The following MOB1B variants were observed in gnomAD, a reference collection of about 807,000 sequenced individuals.
The protein encoded by MOB1B is MOB kinase activator 1B.
A neutral mutation model predicts 24.4 loss-of-function variants in MOB1B; 19 were observed. The observed-to-expected ratio is 0.78, with a 90% confidence interval of 0.54 to 1.14. The LOEUF is 1.14. Ranked by LOEUF, MOB1B falls within the 50% of genes most tolerant of loss-of-function variation. MOB1B has a pLI of 0.00. For synonymous variants in MOB1B, 76 were observed against 82.1 expected (o/e 0.93, Z 0.40); for missense variants, 243 against 259.6 (o/e 0.94, Z 0.44).
rs1487286643 is a variant in MOB1B, at chr4:70,985,187, C to A, written c.*3130C>A. The stretch of plus-strand genomic sequence containing the variant: ...TGCTTATGGGAAAATAGCAAAACAA[C>A]ATTTCATTTATACTTTTGTTTACCC... On this transcript the variant is annotated 3_prime_UTR_variant, in exon 6 of 6. Coordinates refer to ENST00000309395, the MANE Select transcript of MOB1B (RefSeq NM_173468.4). 1.3e-5 allele frequency: 2 copies of A among 152,238 alleles called. No individual in the cohort carries two copies. The highest frequency in any genetic ancestry group is 2.9e-5 in the Non-Finnish European group (2 of 67,998). The allele number at this position is 152,238 out of a possible 1,614,324, so 9.4% of individuals were successfully genotyped here.
At chr4:70,929,165 T>G (rs1736774649) in intron 1 of MOB1B, among the ~76,000 whole-genome samples, 1 of 146,886 alleles carries the variant, frequency 6.8e-6, no homozygotes, top group Non-Finnish European at 1.5e-5. Context: ...CTTTTCTTCT[T>G]TTTCTTTTCT....
intron 1 of MOB1B, among the ~76,000 whole-genome samples, chr4:70,915,075 A>G (rs181955774): frequency 6.6e-6 from 1 of 152,332 alleles, no homozygotes; most frequent in East Asian, 1.9e-4. Context: ...TACTTCGGTT[A>G]TTATCATTAT....
At chr4:70,941,861 A>G (rs1368749547) in intron 1 of MOB1B, among the ~76,000 whole-genome samples, 1 of 152,218 alleles carries the variant, frequency 6.6e-6, no homozygotes, top group Non-Finnish European at 1.5e-5. Flanking sequence ...GGACCGAGAT[A>G]CTTCAATATC....
chr4:70,950,490 G>T (rs1426401290), intron 1 of MOB1B, among the ~76,000 whole-genome samples: 1 of 150,372 alleles, frequency 6.7e-6, no homozygotes, highest in Non-Finnish European at 1.5e-5. Context: ...TTAAATTTTG[G>T]CTCCTTAATT....
At chr4:70,934,375 T>C (rs1428115120) in intron 1 of MOB1B, among the ~76,000 whole-genome samples, 3 of 151,574 alleles carry the variant, frequency 2.0e-5, no homozygotes. Flanking sequence ...CATGAGCCAC[T>C]GTGCCCGGCC....
chr4:70,980,514 T>A (rs1739168785), intron 5 of MOB1B, among the ~76,000 whole-genome samples: 1 of 152,160 alleles, frequency 6.6e-6, no homozygotes, highest in Non-Finnish European at 1.5e-5. Flanking sequence ...ACTGTGAGCT[T>A]CTTAAAGGTA....
At chr4:70,920,706 C>T (rs1169638803) in intron 1 of MOB1B, among the ~76,000 whole-genome samples, 4 of 152,180 alleles carry the variant, frequency 2.6e-5, no homozygotes, top group African/African-American at 9.7e-5. Flanking sequence ...AGTGACCCTG[C>T]TTGACTGTAT....
chr4:70,949,893 G>C (rs1448928519), intron 1 of MOB1B, among the ~76,000 whole-genome samples: 2 of 151,960 alleles, frequency 1.3e-5, no homozygotes, highest in Non-Finnish European at 2.9e-5. Flanking sequence ...CTAGGGGACA[G>C]AGTGAACCCT....
intron 1 of MOB1B, among the ~76,000 whole-genome samples, chr4:70,926,598 C>A (rs1227159442): frequency 6.6e-6 from 1 of 152,148 alleles, no homozygotes; most frequent in East Asian, 1.9e-4. Context: ...AGCTGTCTTA[C>A]AAATGTATGG....
At position 70,983,736 on chromosome 4, in the gene MOB1B, T is replaced by G. The variant is rs781739070; in HGVS notation, c.*1679T>G. 1 of 152,598 alleles carries G rather than the reference T, an allele frequency of 6.6e-6. No homozygotes were observed. The allele number at this position is 152,598 out of a possible 1,614,324, so 9.5% of individuals were successfully genotyped here. Reference sequence around the variant, plus strand: ...ATACAATTTAATGCCATTACAATTATGTTGACTAGAAACTGCCTTTTTCTC... The same window carrying G: ...ATACAATTTAATGCCATTACAATTAGGTTGACTAGAAACTGCCTTTTTCTC... On this transcript the variant is annotated 3_prime_UTR_variant, in exon 6 of 6. Coordinates refer to ENST00000309395, the MANE Select transcript of MOB1B (RefSeq NM_173468.4).
chr4:70,975,894 A>C (rs1738966892), intron 4 of MOB1B: 2 of 796,696 alleles, frequency 2.5e-6, no homozygotes, highest in East Asian at 2.5e-4. Context: ...TATTTATTTT[A>C]ATCTAAATTT....
rs185956996 is a variant in MOB1B at position 70,926,858 on chromosome 4, G to A, written c.14+24308G>A. On this transcript the variant is annotated intron_variant, in intron 1 of 5. Coordinates refer to ENST00000309395, the MANE Select transcript of MOB1B (RefSeq NM_173468.4). ...AAAAATACAAAAAAATTAGCCGGGC[G>A]TGGTGGTGGGCGCCTGTAGTCCCAT... Among the ~76,000 whole-genome samples the A allele has an allele frequency of 7.4e-3, 1,130 of 152,110 alleles. 13 individuals are homozygous for A. Among genetic ancestry groups the A allele is most frequent in the African/African-American group, 0.026 (1,091 of 41,516 alleles).
chr4:70,916,177 T>G (rs1010068691), intron 1 of MOB1B, among the ~76,000 whole-genome samples: 3 of 152,230 alleles, frequency 2.0e-5, no homozygotes, highest in African/African-American at 7.2e-5. Context: ...AATTCCCCCT[T>G]TTTGGTCAGG....
chr4:70,919,753 C>A (rs1181974671), intron 1 of MOB1B, among the ~76,000 whole-genome samples: 1 of 152,220 alleles, frequency 6.6e-6, no homozygotes, highest in Non-Finnish European at 1.5e-5. Context: ...CCCGCCTCGG[C>A]CTCCCACAGT....
At chr4:70,956,094 AT>A (rs955675645) in intron 1 of MOB1B, among the ~76,000 whole-genome samples, 17 of 151,968 alleles carry the variant, frequency 1.1e-4, no homozygotes, top group Non-Finnish European at 2.5e-4. Context: ...TGTTTATTAC[AT>A]TGTCTCATTA....
intron 3 of MOB1B, among the ~76,000 whole-genome samples, chr4:70,970,826 A>T (rs1050047576): frequency 2.2e-4 from 33 of 152,240 alleles, no homozygotes; most frequent in African/African-American, 7.7e-4. Flanking sequence ...AAAAATATGG[A>T]GATACCATAT....
At chr4:70,905,592 A>G (rs370001356) in intron 1 of MOB1B, among the ~76,000 whole-genome samples, 1 of 152,260 alleles carries the variant, frequency 6.6e-6, no homozygotes, top group African/African-American at 2.4e-5. Context: ...GGAAAGCGTT[A>G]CAGCTTAGGA....
At chr4:70,967,963 C>A (rs989374628) in intron 2 of MOB1B, among the ~76,000 whole-genome samples, 2 of 152,090 alleles carry the variant, frequency 1.3e-5, no homozygotes, top group Non-Finnish European at 2.9e-5. Context: ...CTAGAGTGTT[C>A]CAGAGTGCTG....
intron 1 of MOB1B, among the ~76,000 whole-genome samples, chr4:70,909,752 AG>A (rs1192846390): frequency 6.7e-6 from 1 of 150,282 alleles, no homozygotes; most frequent in African/African-American, 2.5e-5. Flanking sequence ...TTTGAGACGG[AG>A]TCTTGCTCTG....
Sources: gnomAD v4.1 joint callset for allele counts (sites outside exome capture counted in the v4.1 genomes callset) on GRCh38, gnomAD v4.1.1 for gene constraint, MANE v1.5 for transcripts, NCBI Gene and HGNC (gene_info 2026-07-23, HGNC 2026-07-21) for gene names.